ZBTB8OS: variants seen among roughly 807,000 people sequenced by gnomAD.
The protein encoded by ZBTB8OS is tRNA splicing ligase complex subunit 1.
In ZBTB8OS, 16 loss-of-function variants were observed where a neutral mutation model predicts 29.3. That is an observed-to-expected ratio of 0.55 (90% CI 0.37 to 0.83). ZBTB8OS has a LOEUF of 0.83. Among genes scored for constraint, ZBTB8OS ranks in the 40% least tolerant of loss-of-function variants. ZBTB8OS has a pLI of 0.00. For synonymous variants in ZBTB8OS, 70 were observed against 64.6 expected (o/e 1.08, Z -0.40); for missense variants, 160 against 196.9 (o/e 0.81, Z 1.12).
At chr1:32,648,305 G>A (rs759285091) in intron 1 of ZBTB8OS, among the ~76,000 whole-genome samples, 4 of 152,206 alleles carry the variant, frequency 2.6e-5, no homozygotes, top group Non-Finnish European at 5.9e-5. Flanking sequence ...GGCAATAACT[G>A]TCCAAGTTAA....
chr1:32,642,856 G>A (rs1240211690), intron 1 of ZBTB8OS, among the ~76,000 whole-genome samples: 2 of 94,964 alleles, frequency 2.1e-5, no homozygotes, highest in African/African-American at 8.3e-5. Flanking sequence ...TGCAACCTCC[G>A]CCTCCCAGAT....
chr1:32,624,352 A>C (rs1468299182), intron 6 of ZBTB8OS, among the ~76,000 whole-genome samples: 2 of 152,164 alleles, frequency 1.3e-5, no homozygotes, highest in African/African-American at 4.8e-5. Context: ...TTTTAAACTC[A>C]GTAAGGGCAG....
intron 1 of ZBTB8OS, among the ~76,000 whole-genome samples, chr1:32,636,647 G>A (rs1450730340): frequency 1.3e-5 from 2 of 149,330 alleles, no homozygotes; most frequent in African/African-American, 5.0e-5. Flanking sequence ...CCAAGATCGC[G>A]CCACTGCATT....
intron 5 of ZBTB8OS, among the ~76,000 whole-genome samples, chr1:32,630,681 G>A (rs1274897070): frequency 6.6e-6 from 1 of 151,840 alleles, no homozygotes; most frequent in Non-Finnish European, 1.5e-5. Flanking sequence ...GTTTGAGGAT[G>A]CCTGGGCAAC....
At chr1:32,643,444 G>A (rs1270213134) in intron 1 of ZBTB8OS, among the ~76,000 whole-genome samples, 1 of 151,680 alleles carries the variant, frequency 6.6e-6, no homozygotes, top group African/African-American at 2.4e-5. Context: ...CCAAGGTGGA[G>A]TACAGTGGCA....
chr1:32,625,327 G>A (rs1479004438), intron 6 of ZBTB8OS, among the ~76,000 whole-genome samples: 1 of 152,008 alleles, frequency 6.6e-6, no homozygotes, highest in Non-Finnish European at 1.5e-5. Flanking sequence ...GAGCTCAGGA[G>A]TTCGAGATCA....
At chr1:32,639,830 T>C (rs1646264818) in intron 1 of ZBTB8OS, 2 of 152,200 alleles carry the variant, frequency 1.3e-5, no homozygotes, top group African/African-American at 4.8e-5. Flanking sequence ...TTTTTTCAAA[T>C]ATTTTAAATG....
At chr1:32,628,623 G>A (rs1346387012) in intron 5 of ZBTB8OS, among the ~76,000 whole-genome samples, 1 of 149,150 alleles carries the variant, frequency 6.7e-6, no homozygotes, top group African/African-American at 2.5e-5. Flanking sequence ...GCAACAGAGC[G>A]AGACTCTGTC....
chr1:32,644,828 A>C (rs1646717230), intron 1 of ZBTB8OS, among the ~76,000 whole-genome samples: 2 of 151,348 alleles, frequency 1.3e-5, no homozygotes, highest in Non-Finnish European at 1.5e-5. Flanking sequence ...TATAGGCACG[A>C]GCCACCTCAC....
At chr1:32,628,842 A>C (rs953657116) in intron 5 of ZBTB8OS, among the ~76,000 whole-genome samples, 4 of 151,780 alleles carry the variant, frequency 2.6e-5, no homozygotes, top group Admixed American at 6.6e-5. Context: ...AGGCTGAGGC[A>C]CAAGAATGGT....
chr1:32,646,660 TAAA>T (rs943091730), intron 1 of ZBTB8OS, among the ~76,000 whole-genome samples: 2 of 147,456 alleles, frequency 1.4e-5, no homozygotes, highest in Non-Finnish European at 3.0e-5. Context: ...TTCAAATGTA[TAAA>T]AAAAAAATTA....
chr1:32,638,226 A>G (rs1464221641), intron 1 of ZBTB8OS, among the ~76,000 whole-genome samples: 1 of 147,814 alleles, frequency 6.8e-6, no homozygotes, highest in Non-Finnish European at 1.5e-5. Flanking sequence ...GAGTCTCCAG[A>G]ATTCTTTTTT....
chr1:32,644,419 G>A (rs1357460877), intron 1 of ZBTB8OS, among the ~76,000 whole-genome samples: 1 of 151,998 alleles, frequency 6.6e-6, no homozygotes, highest in Non-Finnish European at 1.5e-5. Context: ...AAGGGAAAAG[G>A]GAGAGTCTAA....
chr1:32,626,448 T>G (rs891812464), intron 6 of ZBTB8OS, among the ~76,000 whole-genome samples: 1 of 152,232 alleles, frequency 6.6e-6, no homozygotes, highest in African/African-American at 2.4e-5. Flanking sequence ...GTATCTGGCC[T>G]AAACACAGGG....
intron 1 of ZBTB8OS, among the ~76,000 whole-genome samples, chr1:32,646,153 C>T (rs1348758910): frequency 2.0e-5 from 3 of 151,924 alleles, no homozygotes; most frequent in African/African-American, 7.3e-5. Context: ...AACTCCATCA[C>T]TACTAAAAAT....
intron 1 of ZBTB8OS, among the ~76,000 whole-genome samples, chr1:32,644,642 T>G (rs1486233996): frequency 6.7e-6 from 1 of 150,236 alleles, no homozygotes; most frequent in Non-Finnish European, 1.5e-5. Flanking sequence ...AAACAATCCT[T>G]CTGGCTCAGC....
chr1:32,640,644 T>C (rs993562347), intron 1 of ZBTB8OS, among the ~76,000 whole-genome samples: 6 of 151,934 alleles, frequency 3.9e-5, no homozygotes, highest in African/African-American at 1.5e-4. Context: ...GTCTCCCAAG[T>C]GGTAAGGACT....
intron 3 of ZBTB8OS, 97 bp downstream of exon 3, chr1:32,633,854 G>C (rs1320157562): frequency 2.7e-6 from 4 of 1,490,530 alleles, no homozygotes; most frequent in Non-Finnish European, 3.6e-6. Flanking sequence ...TTAATTTTCT[G>C]GTTCTTTTTG....
intron 6 of ZBTB8OS, among the ~76,000 whole-genome samples, chr1:32,625,776 CA>C (rs1261355273): frequency 3.3e-5 from 5 of 152,114 alleles, no homozygotes; most frequent in African/African-American, 1.2e-4. Flanking sequence ...CTTCCAATGA[CA>C]AATATGAATT....
Sources: allele counts gnomAD v4.1 joint callset (sites outside exome capture counted in the v4.1 genomes callset), GRCh38; gene constraint gnomAD v4.1.1; transcripts MANE v1.5; gene names NCBI Gene and HGNC (gene_info 2026-07-23, HGNC 2026-07-21).